Variants in SH3TC1 observed in about 807,000 individuals in gnomAD.
SH3TC1 encodes the protein SH3 domain and tetratricopeptide repeats 1, also known as SH3 domain and tetratricopeptide repeat-containing protein 1.
Under a neutral mutation model 117.3 loss-of-function variants are expected in SH3TC1, and 135 were observed. The observed-to-expected ratio is 1.15, with a 90% confidence interval of 1.00 to 1.33. The LOEUF is 1.33. Ranked by LOEUF, SH3TC1 falls within the 40% of genes most tolerant of loss-of-function variation. The probability of loss-of-function intolerance (pLI) is 0.00; values close to 1 mark genes in which losing one functional copy is unlikely to be tolerated. For synonymous variants in SH3TC1, 898 were observed against 816.9 expected, an observed-to-expected ratio of 1.10 and a Z score of -1.69; for missense variants, 2,092 against 1,794.3, an observed-to-expected ratio of 1.17 and a Z score of -3.00.
At chr4:8,237,162 T>C in intron 16 of SH3TC1, 1 of 329,130 alleles carries the variant, frequency 3.0e-6, no homozygotes, top group Non-Finnish European at 5.5e-6. Flanking sequence ...GGAGCCCTGG[T>C]GCCCAGGAGC....
At chr4:8,187,442 G>A (rs998536377) in intron 1 of SH3TC1, among the ~76,000 whole-genome samples, 1 of 152,150 alleles carries the variant, frequency 6.6e-6, no homozygotes, top group African/African-American at 2.4e-5. Context: ...TAAGTTAGTT[G>A]GAATTCTTTT....
rs746890066 is a variant in SH3TC1, at chr4:8,237,503, CACCG to C, written c.3587_3590del (p.His1196ArgfsTer40). On this transcript the variant is annotated frameshift_variant, in exon 17 of 18. Transcript: ENST00000245105. LOFTEE classifies it high-confidence loss of function. ...CCGGCTGAACGAGCGCGTGGCCTAC[CACCG>C]GCTGGCCGCCCTGCAACACCGACTG... The C allele has an allele frequency of 5.0e-6, 8 of 1,602,052 alleles. No individual in the cohort carries two copies. The highest frequency in any genetic ancestry group is 1.7e-5 in the Admixed American group (1 of 59,010).
chr4:8,234,460 C>T (rs1476891422), intron 14 of SH3TC1, among the ~76,000 whole-genome samples: 2 of 150,376 alleles, frequency 1.3e-5, no homozygotes, highest in African/African-American at 4.9e-5. Flanking sequence ...CCCATACATA[C>T]ACACATCATT....
rs1375355169 is a variant in SH3TC1, at chr4:8,233,753, ATCCATCATCCATCCATCCT to A, written c.3282+246_3282+264del. Among the ~76,000 whole-genome samples, 6 of 36,194 alleles carry A rather than the reference ATCCATCATCCATCCATCCT, an allele frequency of 1.7e-4. No homozygotes were observed. The East Asian group carries it at 7.5e-3, about 45-fold the overall frequency. 23.7% of individuals were successfully genotyped at this position (36,194 alleles called of 152,430 possible). The stretch of plus-strand genomic sequence containing the variant: ...CATTCACCTGTTCATCCATCCATCC[ATCCATCATCCATCCATCCT>A]TCCATTATCCATCCATTCACCTGTT... On this transcript the variant is annotated intron_variant, in intron 14 of 17. Transcript: ENST00000245105.
intron 3 of SH3TC1, among the ~76,000 whole-genome samples, chr4:8,211,517 T>G (rs1718726721): frequency 5.5e-5 from 1 of 18,320 alleles, no homozygotes. Context: ...CTGCTCTCCT[T>G]CTCCCCTTCT....
At chr4:8,212,956 G>A in intron 4 of SH3TC1, 128 bp downstream of exon 4, 2 of 1,310,434 alleles carry the variant, frequency 1.5e-6, no homozygotes, top group Non-Finnish European at 1.0e-6. Flanking sequence ...ACTCAGGACA[G>A]TGGTGGCCTT....
At chr4:8,188,844 G>C (rs1717317845) in intron 1 of SH3TC1, among the ~76,000 whole-genome samples, 1 of 152,210 alleles carries the variant, frequency 6.6e-6, no homozygotes, top group East Asian at 1.9e-4. Context: ...GCCTGCACTG[G>C]GTACCCGTCA....
intron 8 of SH3TC1, 152 bp from the exon 9 acceptor site, chr4:8,219,183 T>C (rs1265061301): frequency 4.5e-6 from 3 of 668,642 alleles, no homozygotes. Flanking sequence ...AGACATTCCC[T>C]CCCTCATTGC....
At chr4:8,208,190 A>G (rs911864718) in intron 2 of SH3TC1, among the ~76,000 whole-genome samples, 22 of 152,216 alleles carry the variant, frequency 1.4e-4, no homozygotes, top group African/African-American at 5.3e-4. Flanking sequence ...TTCTTCAGAC[A>G]GGGAGTGAAT....
chr4:8,186,955 A>C lies in SH3TC1; in HGVS notation c.-57+4745A>C, dbSNP rs1717239044. Among the ~76,000 whole-genome samples, 1 of 151,964 alleles carries C rather than the reference A, an allele frequency of 6.6e-6. No homozygotes were observed. Among genetic ancestry groups the C allele is most frequent in the Non-Finnish European group, 1.5e-5 (1 of 67,968 alleles). On this transcript the variant is annotated intron_variant, in intron 1 of 16. Coordinates refer to the SH3TC1 transcript ENST00000508641. The surrounding 1 kb of genome is among the most constrained non-coding windows in gnomAD (Gnocchi z 5.2). ...CAAGACTACGTCTCAAAAAAAAAAA[A>C]AAAAAAGGACATGCTCCTGTAGGCA... is the stretch of plus-strand genomic sequence containing the variant.
At chr4:8,189,399 G>C (rs750467420) in intron 1 of SH3TC1, among the ~76,000 whole-genome samples, 4 of 152,274 alleles carry the variant, frequency 2.6e-5, no homozygotes, top group Non-Finnish European at 4.4e-5. Flanking sequence ...AGGGCTGGCC[G>C]GGCCGGCGGC....
intron 9 of SH3TC1, among the ~76,000 whole-genome samples, chr4:8,219,788 T>A (rs1719728214): frequency 6.6e-6 from 1 of 152,210 alleles, no homozygotes; most frequent in Admixed American, 6.5e-5. Flanking sequence ...CATCTTTCCG[T>A]GGCTACCGTG....
At chr4:8,203,102 T>C (rs1317887516) in intron 1 of SH3TC1, among the ~76,000 whole-genome samples, 1 of 152,148 alleles carries the variant, frequency 6.6e-6, no homozygotes, top group Admixed American at 6.5e-5. Flanking sequence ...GTACTAAACA[T>C]TACACAGGAG....
intron 1 of SH3TC1, among the ~76,000 whole-genome samples, chr4:8,201,938 C>A (rs970560046): frequency 2.6e-5 from 4 of 152,112 alleles, no homozygotes; most frequent in African/African-American, 4.8e-5. Flanking sequence ...GGACATAAGA[C>A]CCAGCTTCTG....
At position 8,233,592 on chromosome 4, in the gene SH3TC1, A is replaced by G. The variant is rs549542102; in HGVS notation, c.3282+79A>G. 416 of 1,455,406 alleles carry G rather than the reference A, an allele frequency of 2.9e-4. No individual in the cohort carries two copies. The Middle Eastern group carries it at 3.6e-3, about 13-fold the overall frequency. 90.2% of individuals were successfully genotyped at this position (1,455,406 alleles called of 1,614,324 possible). On this transcript the variant is annotated intron_variant, in intron 14 of 17. Transcript: ENST00000245105. ...CCATCCGTCCATTGATGATGATGAT[A>G]GATGATCCTTCCATCATCTATCCAT...
intron 9 of SH3TC1, 60 bp downstream of exon 9, chr4:8,219,590 T>C: frequency 7.1e-7 from 1 of 1,405,140 alleles, no homozygotes; most frequent in Non-Finnish European, 9.4e-7. Context: ...TAAGGGGACG[T>C]TGCTGCGTCC....
At position 8,192,936 on chromosome 4, in the gene SH3TC1, C is replaced by G. The variant is rs925976053; in HGVS notation, c.-57+10726C>G. 6.6e-6 allele frequency among the ~76,000 whole-genome samples: 1 copy of G among 152,244 alleles called. No individual in the cohort carries two copies. Among genetic ancestry groups the G allele is most frequent in the African/African-American group, 2.4e-5 (1 of 41,466 alleles). On this transcript the variant is annotated intron_variant, in intron 1 of 16. Transcript: ENST00000508641. This position sits in a 1 kb window ranked among gnomAD's most constrained non-coding sequence, Gnocchi z 4.1. ...TGAAGCGGGGCCTGACGTGATGTAC[C>G]ATGTTTCAAGCCTGTTTCACAGCAC...
At chr4:8,231,059 G>T (rs1721157935) in intron 12 of SH3TC1, 1 of 152,316 alleles carries the variant, frequency 6.6e-6, no homozygotes, top group South Asian at 2.1e-4. Context: ...TGGGATGACA[G>T]GCATGAGCCA....
Position 8,222,934 on chromosome 4 carries a change from A to G in SH3TC1, c.1207A>G (p.Met403Val). ...EEDARQLLRRMSGTDVCSVYS... is the reference protein window; with the variant it reads ...EEDARQLLRRVSGTDVCSVYS... The stretch of plus-strand genomic sequence containing the variant: ...GGATGCCAGGCAGTTGCTGAGGCGG[A>G]TGTCGGGCACCGATGTCTGCAGCGT... Residue 403 changes from methionine to valine, a missense_variant, in exon 10 of 18, where the codon ATG becomes GTG. Met to Val is a conservative substitution (Grantham distance 21). Coordinates refer to ENST00000245105, the MANE Select transcript of SH3TC1 (RefSeq NM_018986.5). 6.2e-7 allele frequency: 1 copy of G among 1,612,860 alleles called. No homozygotes were observed. The highest frequency in any genetic ancestry group is 1.1e-5 in the South Asian group (1 of 91,016).
Sources: gnomAD v4.1 joint callset for allele counts (sites outside exome capture counted in the v4.1 genomes callset) on GRCh38, gnomAD v4.1.1 for gene constraint, Gnocchi (gnomAD v3.1) non-coding constraint, MANE v1.5 for transcripts, NCBI Gene and HGNC (gene_info 2026-07-23, HGNC 2026-07-21) for gene names.